The following C9orf85 variants were observed in gnomAD, a reference collection of about 807,000 sequenced individuals.
C9orf85 encodes the protein uncharacterized protein C9orf85.
Under a neutral mutation model 14.9 loss-of-function variants are expected in C9orf85, and 16 were observed. The observed-to-expected ratio is 1.08, with a 90% confidence interval of 0.73 to 1.63. C9orf85 has a LOEUF of 1.63. C9orf85 is among the 40% of genes most tolerant of loss of function. The probability of loss-of-function intolerance (pLI) is 0.00; values close to 1 mark genes in which losing one functional copy is unlikely to be tolerated. For missense variants in C9orf85, 172 were observed against 186.1 expected, an observed-to-expected ratio of 0.92 and a Z score of 0.44; for synonymous variants, 45 against 56.8, an observed-to-expected ratio of 0.79 and a Z score of 0.93.
chr9:71,974,693 A>G (rs1031744783), downstream of C9orf85, among the ~76,000 whole-genome samples: 15 of 152,346 alleles, frequency 9.8e-5, no homozygotes, highest in Non-Finnish European at 1.2e-4. Context: ...AGAGGGAATC[A>G]GGTCGATGCA....
At chr9:71,964,528 T>C (rs1157851895) in intron 2 of C9orf85, among the ~76,000 whole-genome samples, 1 of 150,224 alleles carries the variant, frequency 6.7e-6, no homozygotes, top group African/African-American at 2.5e-5. Flanking sequence ...CCTTAAGAGC[T>C]GTAACGCTCA....
At chr9:71,914,210 A>G (rs968547753) in intron 1 of C9orf85, among the ~76,000 whole-genome samples, 3 of 152,218 alleles carry the variant, frequency 2.0e-5, no homozygotes, top group African/African-American at 7.2e-5. Flanking sequence ...TAAAAAATGC[A>G]CGGTTCTCTG....
Position 71,912,024 on chromosome 9 carries a change from C to T in C9orf85, c.102+188C>T, listed in dbSNP as rs573171468. 7.6e-6 allele frequency: 5 copies of T among 654,222 alleles called. No individual in the cohort carries two copies. The East Asian group carries it at 1.5e-4, about 19-fold the overall frequency. 40.5% of individuals were successfully genotyped at this position (654,222 alleles called of 1,614,324 possible). On this transcript the variant is annotated intron_variant, in intron 1 of 3. Coordinates refer to ENST00000334731, the MANE Select transcript of C9orf85 (RefSeq NM_182505.5). Reference sequence around the variant, plus strand: ...TTTCTTTGACCTGGACATGTTGTCTCCTGGTAAATATTTGATGGTCAGCAC... The same window carrying T: ...TTTCTTTGACCTGGACATGTTGTCTTCTGGTAAATATTTGATGGTCAGCAC...
At chr9:71,948,821 C>G (rs994020249) in intron 2 of C9orf85, among the ~76,000 whole-genome samples, 10 of 148,910 alleles carry the variant, frequency 6.7e-5, no homozygotes, top group South Asian at 2.2e-4. Context: ...ACGCCCCCCC[C>G]CCCCCCTTTA....
At position 71,972,708 on chromosome 9, in the gene C9orf85, G is replaced by GA; in HGVS notation, c.346dup (p.Ile116AsnfsTer5). The GA allele has an allele frequency of 2.5e-6, 4 of 1,580,802 alleles. No homozygotes were observed. The highest frequency in any genetic ancestry group is 1.8e-5 in the Admixed American group (1 of 55,678). Reference sequence around the variant, plus strand: ...CATCTTTAGGTTGAATAAAGAAACAGAAAAAATAGAACATACTGAAAATAA... The same window carrying GA: ...CATCTTTAGGTTGAATAAAGAAACAGAAAAAAATAGAACATACTGAAAATAA... On this transcript the variant is annotated frameshift_variant, in exon 4 of 4. Coordinates refer to ENST00000334731, the MANE Select transcript of C9orf85 (RefSeq NM_182505.5). LOFTEE classifies it low-confidence loss of function (END_TRUNC).
At chr9:71,965,497 C>T (rs917314719) in intron 2 of C9orf85, among the ~76,000 whole-genome samples, 1 of 152,178 alleles carries the variant, frequency 6.6e-6, no homozygotes, top group African/African-American at 2.4e-5. Context: ...GTGTTCTTTT[C>T]CTACTATTTT....
chr9:71,960,919 T>G (rs1475767200), intron 2 of C9orf85, among the ~76,000 whole-genome samples: 3 of 151,814 alleles, frequency 2.0e-5, no homozygotes, highest in Admixed American at 6.6e-5. Flanking sequence ...AATTGTTTTT[T>G]TTTTTTTTTT....
chr9:71,957,226 A>C (rs1267740946), intron 2 of C9orf85, among the ~76,000 whole-genome samples: 6 of 152,112 alleles, frequency 3.9e-5, no homozygotes, highest in Non-Finnish European at 8.8e-5. Context: ...AATTTCACCC[A>C]TTATTTTTGT....
At chr9:71,969,213 A>G (rs1163763064) in intron 2 of C9orf85, among the ~76,000 whole-genome samples, 1 of 152,162 alleles carries the variant, frequency 6.6e-6, no homozygotes, top group Non-Finnish European at 1.5e-5. Flanking sequence ...CAGTGGCGCA[A>G]TCTTGGCTCA....
At chr9:71,940,000 CT>C (rs1368956455) in intron 1 of C9orf85, among the ~76,000 whole-genome samples, 2 of 151,924 alleles carry the variant, frequency 1.3e-5, no homozygotes, top group African/African-American at 4.8e-5. Context: ...AGATTAAGAT[CT>C]TTTTTATTCA....
intron 1 of C9orf85, among the ~76,000 whole-genome samples, chr9:71,927,540 T>A (rs1317452186): frequency 6.6e-6 from 1 of 152,148 alleles, no homozygotes; most frequent in East Asian, 1.9e-4. Flanking sequence ...CTTGTCTTGT[T>A]TGGGTGGTGG....
In C9orf85 at chr9:71,954,754, T is replaced by G. The variant is rs1366934708; in HGVS notation, c.209+7642T>G. ...GCAGGTCTTTATGACCTGTATTTTG[T>G]GCTAATCTCCTATCTTATTCTGTGA... is the stretch of plus-strand genomic sequence containing the variant. On this transcript the variant is annotated intron_variant, in intron 2 of 3. Coordinates refer to ENST00000334731, the MANE Select transcript of C9orf85 (RefSeq NM_182505.5). Among the ~76,000 whole-genome samples the G allele has an allele frequency of 4.6e-5, 7 of 152,176 alleles. 1 individual carries two copies. In the South Asian group the frequency reaches 1.4e-3, roughly 31 times the overall value.
intron 2 of C9orf85, among the ~76,000 whole-genome samples, chr9:71,955,118 A>G (rs1822351316): frequency 6.6e-6 from 1 of 152,196 alleles, no homozygotes; most frequent in African/African-American, 2.4e-5. Flanking sequence ...ATTAGTGGAC[A>G]GAGAGATATA....
At chr9:71,965,935 C>T (rs560628011) in intron 2 of C9orf85, among the ~76,000 whole-genome samples, 1 of 152,252 alleles carries the variant, frequency 6.6e-6, no homozygotes, top group South Asian at 2.1e-4. Flanking sequence ...CTCCCTATTT[C>T]TATATTTGAG....
intron 1 of C9orf85, among the ~76,000 whole-genome samples, chr9:71,925,304 T>G (rs1827903673): frequency 6.6e-6 from 1 of 152,180 alleles, no homozygotes; most frequent in Non-Finnish European, 1.5e-5. Context: ...GTGGATCACT[T>G]GAGGTCAGAA....
At chr9:71,968,233 A>G (rs1206367068) in intron 2 of C9orf85, among the ~76,000 whole-genome samples, 1 of 151,934 alleles carries the variant, frequency 6.6e-6, no homozygotes, top group Non-Finnish European at 1.5e-5. Context: ...ATCTTTGTTC[A>G]TTAGAAATAC....
chr9:71,947,005 G>C lies in C9orf85; in HGVS notation c.103-1G>C, dbSNP rs1822109712. On this transcript the variant is annotated splice_acceptor_variant, in intron 1 of 3. Transcript: ENST00000334731. LOFTEE classifies it high-confidence loss of function. ...AATTTGTCTTTCTGTTTGTTTTTAA[G>C]AAAATTAATGCAAAACTTCATGATG... 4 of 1,607,798 alleles carry C rather than the reference G, an allele frequency of 2.5e-6. No individual in the cohort carries two copies. The highest frequency in any genetic ancestry group is 3.4e-6 in the Non-Finnish European group (4 of 1,176,378).
At chr9:71,973,628 AT>A (rs1822946454), downstream of C9orf85, among the ~76,000 whole-genome samples, 1 of 152,192 alleles carries the variant, frequency 6.6e-6, no homozygotes, top group Non-Finnish European at 1.5e-5. Flanking sequence ...TATACACTTT[AT>A]AAGTGTATGC....
rs138092383 is a variant in C9orf85 at position 71,945,307 on chromosome 9, G to A, written c.103-1699G>A. ...ATGATAACTATTAATAAGTACAAAGGTTGAGAGGACGAAGAGTTTGGTGTG... is the reference window on the plus strand; with the variant it reads ...ATGATAACTATTAATAAGTACAAAGATTGAGAGGACGAAGAGTTTGGTGTG... On this transcript the variant is annotated intron_variant, in intron 1 of 3. Coordinates refer to ENST00000334731, the MANE Select transcript of C9orf85 (RefSeq NM_182505.5). Among the ~76,000 whole-genome samples the A allele has an allele frequency of 9.6e-4, 146 of 152,292 alleles. 1 individual carries two copies. Among genetic ancestry groups the A allele is most frequent in the African/African-American group, 3.4e-3 (142 of 41,564 alleles).
Sources: gnomAD v4.1 joint callset for allele counts (sites outside exome capture counted in the v4.1 genomes callset) on GRCh38, gnomAD v4.1.1 for gene constraint, MANE v1.5 for transcripts, NCBI Gene and HGNC (gene_info 2026-07-23, HGNC 2026-07-21) for gene names.